The following CTDSPL variants were observed in gnomAD, a reference collection of about 807,000 sequenced individuals.
The protein encoded by CTDSPL is CTD small phosphatase-like protein.
In CTDSPL, 8 loss-of-function variants were observed where a neutral mutation model predicts 30.5. That is an observed-to-expected ratio of 0.26 (90% CI 0.15 to 0.47). The LOEUF is 0.47. Ranked by LOEUF, CTDSPL falls within the 20% of genes least tolerant of loss-of-function variation. The pLI is 0.99. For missense variants in CTDSPL, 248 were observed against 366.1 expected (o/e 0.68, Z 2.63); for synonymous variants, 110 against 137.9 (o/e 0.80, Z 1.42).
chr3:37,932,071 A>G (rs1249077236), intron 1 of CTDSPL, among the ~76,000 whole-genome samples: 6 of 152,080 alleles, frequency 3.9e-5, no homozygotes, highest in Non-Finnish European at 1.5e-5. Context: ...TGGCACAAGC[A>G]GGAGAATGGA....
chr3:37,964,376 G>C (rs911145241), intron 3 of CTDSPL, among the ~76,000 whole-genome samples, 195 bp from the exon 4 acceptor site: 7 of 152,136 alleles, frequency 4.6e-5, no homozygotes, highest in African/African-American at 1.4e-4. Flanking sequence ...CAAAGCCTAG[G>C]ACTTCATAGC....
intron 1 of CTDSPL, among the ~76,000 whole-genome samples, chr3:37,868,470 C>A (rs1698037085): frequency 6.6e-6 from 1 of 152,070 alleles, no homozygotes; most frequent in African/African-American, 2.4e-5. Flanking sequence ...GGTGTCAAAT[C>A]TAAGAACTCT....
chr3:37,974,556 C>G (rs945936520), intron 6 of CTDSPL, among the ~76,000 whole-genome samples: 2 of 152,204 alleles, frequency 1.3e-5, no homozygotes, highest in Non-Finnish European at 2.9e-5. Context: ...CCAGGCCTAG[C>G]CACTCAGTAT....
chr3:37,967,895 A>G lies in CTDSPL; in HGVS notation c.426+13A>G. 6.4e-7 allele frequency: 1 copy of G among 1,570,594 alleles called. No individual in the cohort carries two copies. Among genetic ancestry groups the G allele is most frequent in the South Asian group, 1.2e-5 (1 of 83,396 alleles). The stretch of plus-strand genomic sequence containing the variant: ...AACTATACATCAGGTAAGAAACTGA[A>G]GCTAAATTTGAGTTTCAATTAAGAT... On this transcript the variant is annotated intron_variant, in intron 5 of 7. Transcript: ENST00000273179.
intron 1 of CTDSPL, among the ~76,000 whole-genome samples, chr3:37,887,655 G>A (rs576790400): frequency 3.8e-4 from 58 of 152,268 alleles, no homozygotes; most frequent in African/African-American, 1.4e-3. Context: ...AGTGTTTGGC[G>A]CATAGTAAGT....
chr3:37,882,407 A>C (rs1575280237), intron 1 of CTDSPL, among the ~76,000 whole-genome samples: 1 of 148,192 alleles, frequency 6.7e-6, no homozygotes, highest in East Asian at 2.0e-4. Context: ...GCACCACTGC[A>C]CTCCAGCCTG....
intron 1 of CTDSPL, among the ~76,000 whole-genome samples, chr3:37,918,882 G>C (rs146345733): frequency 0.011 from 1,651 of 152,210 alleles, 31 homozygotes; most frequent in African/African-American, 0.038. Flanking sequence ...GGGGAAACAG[G>C]CCCTGCAGCA....
intron 4 of CTDSPL, among the ~76,000 whole-genome samples, chr3:37,966,039 G>A (rs1478157193): frequency 6.6e-6 from 1 of 152,212 alleles, no homozygotes; most frequent in Non-Finnish European, 1.5e-5. Flanking sequence ...GCCCTTCAGA[G>A]CAGGGGTCGG....
chr3:37,881,656 A>T (rs1274350825), intron 1 of CTDSPL, among the ~76,000 whole-genome samples: 1 of 152,270 alleles, frequency 6.6e-6, no homozygotes, highest in African/African-American at 2.4e-5. Context: ...TTGAACAACA[A>T]CAAAAAACAC....
At chr3:37,892,949 G>A (rs1172721252) in intron 1 of CTDSPL, among the ~76,000 whole-genome samples, 1 of 152,186 alleles carries the variant, frequency 6.6e-6, no homozygotes, top group African/African-American at 2.4e-5. Context: ...TGAGAGCAGC[G>A]GTGAACATGC....
At position 37,902,311 on chromosome 3, in the gene CTDSPL, A is replaced by G. The variant is rs181496976; in HGVS notation, c.79+40033A>G. Among the ~76,000 whole-genome samples the G allele has an allele frequency of 1.2e-3, 190 of 152,280 alleles. 1 individual carries two copies. The highest frequency in any genetic ancestry group is 4.4e-3 in the African/African-American group (181 of 41,556). ...TTTCCTCTGGTAATAATATCTCCCT[A>G]TTCTAGTCAGGCTCTTTCAACCTGC... On this transcript the variant is annotated intron_variant, in intron 1 of 7. Coordinates refer to ENST00000273179, the MANE Select transcript of CTDSPL (RefSeq NM_001008392.2).
chr3:37,866,984 T>G (rs1698017638), intron 1 of CTDSPL, among the ~76,000 whole-genome samples: 1 of 152,202 alleles, frequency 6.6e-6, no homozygotes, highest in Non-Finnish European at 1.5e-5. Context: ...TTTCTCTTAT[T>G]ACTGACATCT....
At position 37,927,877 on chromosome 3, in the gene CTDSPL, A is replaced by C. The variant is rs150229913; in HGVS notation, c.80-19180A>C. 3.9e-4 allele frequency among the ~76,000 whole-genome samples: 60 copies of C among 152,068 alleles called. No individual in the cohort carries two copies. The East Asian group carries it at 9.5e-3, about 24-fold the overall frequency. ...CTCCTCCCAGCCCTTGGCAGCCACC[A>C]TTCTACTTTATGCTTCTGTGAGTTT... On this transcript the variant is annotated intron_variant, in intron 1 of 7. Transcript: ENST00000273179.
chr3:37,956,598 A>T (rs1699176148), intron 2 of CTDSPL, among the ~76,000 whole-genome samples: 1 of 152,044 alleles, frequency 6.6e-6, no homozygotes, highest in African/African-American at 2.4e-5. Context: ...GTTGCCTGGG[A>T]GGGAACTTCT....
In CTDSPL at chr3:37,975,836, G is replaced by C. The variant is rs770109268; in HGVS notation, c.647G>C (p.Ser216Thr). 1.9e-6 allele frequency: 3 copies of C among 1,614,182 alleles called. No individual in the cohort carries two copies. The change falls in exon 7 of 8, where the codon AGC becomes ACC. Residue 216 changes from serine to threonine, a missense_variant. Ser to Thr is a moderately conservative substitution (Grantham distance 58). Transcript: ENST00000273179. The surrounding 1 kb of genome is among the most constrained non-coding windows in gnomAD (Gnocchi z 4.9). ...KDLSRLGREL[S>T]KVIIVDNSPA... ...CTGAGTCGCCTTGGGCGGGAGCTGA[G>C]CAAAGTGATCATTGTTGACAATTCC...
At chr3:37,876,376 G>A (rs1328487731) in intron 1 of CTDSPL, among the ~76,000 whole-genome samples, 1 of 152,120 alleles carries the variant, frequency 6.6e-6, no homozygotes, top group Non-Finnish European at 1.5e-5. Context: ...AAGATAGAGA[G>A]TATTTCCATC....
chr3:37,911,746 G>C, intron 1 of CTDSPL: 1 of 456,416 alleles, frequency 2.2e-6, no homozygotes. Context: ...TGGGTGGCAG[G>C]TGTAACCCTC....
intron 6 of CTDSPL, among the ~76,000 whole-genome samples, chr3:37,974,021 C>T (rs762319567): frequency 2.0e-5 from 3 of 152,238 alleles, no homozygotes; most frequent in South Asian, 2.1e-4. Context: ...AACACAAATT[C>T]GTAAACTTTC....
chr3:37,887,192 G>A (rs1698272767), intron 1 of CTDSPL, among the ~76,000 whole-genome samples: 1 of 152,204 alleles, frequency 6.6e-6, no homozygotes, highest in South Asian at 2.1e-4. Context: ...TGGGCATACT[G>A]TGACACAATA....
Sources: gnomAD v4.1 joint callset for allele counts (sites outside exome capture counted in the v4.1 genomes callset) on GRCh38, gnomAD v4.1.1 for gene constraint, Gnocchi (gnomAD v3.1) non-coding constraint, MANE v1.5 for transcripts, NCBI Gene and HGNC (gene_info 2026-07-23, HGNC 2026-07-21) for gene names.